CNTN6: variants seen among roughly 807,000 people sequenced by gnomAD.
The protein encoded by CNTN6 is contactin 6.
A neutral mutation model predicts 122.8 loss-of-function variants in CNTN6; 137 were observed. The ratio of observed to expected loss-of-function variants is 1.12; its 90% CI spans 0.97 to 1.29. The LOEUF is 1.29. CNTN6 is among the 50% of genes most tolerant of loss of function. CNTN6 has a pLI of 0.00. For missense variants in CNTN6, 1,634 were observed against 1,223.4 expected (o/e 1.34, Z -5.01); for synonymous variants, 570 against 426.0 (o/e 1.34, Z -4.16).
chr3:1,385,352 AAT>A (rs1692710243), intron 19 of CNTN6, among the ~76,000 whole-genome samples: 1 of 151,746 alleles, frequency 6.6e-6, no homozygotes, highest in Admixed American at 6.6e-5. Flanking sequence ...TAGCTCATAA[AAT>A]ACTTTATTTT....
intron 1 of CNTN6, among the ~76,000 whole-genome samples, chr3:1,115,693 A>G (rs954388325): frequency 1.3e-5 from 2 of 152,212 alleles, no homozygotes; most frequent in Non-Finnish European, 2.9e-5. Flanking sequence ...CAGAGGTTAC[A>G]GTGAGCTGAG....
In CNTN6 at chr3:1,321,647, TAGTCC is replaced by T; in HGVS notation, c.765_769del (p.Val256ArgfsTer3). On this transcript the variant is annotated splice_acceptor_variant and coding_sequence_variant, in exon 8 of 23. Transcript: ENST00000446702. LOFTEE classifies it high-confidence loss of function. ...TCTATTCTAATGAGGTGTAACTGTT[TAGTCC>T]AGTCCCCGATATTAGTTGGAGAAGG... The T allele has an allele frequency of 5.6e-6, 9 of 1,609,226 alleles. No individual in the cohort carries two copies. Among genetic ancestry groups the T allele is most frequent in the Non-Finnish European group, 7.6e-6 (9 of 1,177,440 alleles).
At chr3:1,282,600 A>G (rs931565811) in intron 5 of CNTN6, among the ~76,000 whole-genome samples, 3 of 152,192 alleles carry the variant, frequency 2.0e-5, no homozygotes, top group Non-Finnish European at 4.4e-5. Flanking sequence ...TTATCTGTAA[A>G]ATATTTCCGA....
At chr3:1,115,653 G>A (rs1218564151) in intron 1 of CNTN6, among the ~76,000 whole-genome samples, 3 of 152,184 alleles carry the variant, frequency 2.0e-5, no homozygotes, top group Admixed American at 1.3e-4. Context: ...TCAGGAGGCT[G>A]AGGCAGGAGA....
At chr3:1,209,129 A>G (rs1055319296) in intron 2 of CNTN6, among the ~76,000 whole-genome samples, 3 of 152,186 alleles carry the variant, frequency 2.0e-5, no homozygotes, top group African/African-American at 7.2e-5. Flanking sequence ...CCAATATGGC[A>G]TATACATTTT....
chr3:1,303,101 G>T (rs1179251664), intron 7 of CNTN6, among the ~76,000 whole-genome samples: 3 of 151,738 alleles, frequency 2.0e-5, no homozygotes, highest in Admixed American at 6.6e-5. Flanking sequence ...ATTTCCTTTT[G>T]ATCCTTTCTT....
chr3:1,368,677 T>C (rs1441519050), intron 12 of CNTN6, among the ~76,000 whole-genome samples: 1 of 152,194 alleles, frequency 6.6e-6, no homozygotes, highest in Non-Finnish European at 1.5e-5. Flanking sequence ...GAGAAAATTA[T>C]ATAATCAATC....
At chr3:1,136,018 T>C (rs1312056355) in intron 1 of CNTN6, among the ~76,000 whole-genome samples, 1 of 152,300 alleles carries the variant, frequency 6.6e-6, no homozygotes, top group African/African-American at 2.4e-5. Context: ...TGCCATCGTG[T>C]GTGGTTAGAG....
intron 1 of CNTN6, among the ~76,000 whole-genome samples, chr3:1,126,960 T>A (rs1292557198): frequency 1.3e-5 from 2 of 151,822 alleles, no homozygotes; most frequent in Non-Finnish European, 2.9e-5. Context: ...AATCTCAATA[T>A]CCTAAGTTAT....
At chr3:1,109,851 T>C (rs1458785291) in intron 1 of CNTN6, among the ~76,000 whole-genome samples, 1 of 152,088 alleles carries the variant, frequency 6.6e-6, no homozygotes, top group Non-Finnish European at 1.5e-5. Context: ...AGATTTAATT[T>C]TTAAATGCTT....
chr3:1,338,502 G>A, intron 11 of CNTN6, among the ~76,000 whole-genome samples: 1 of 152,068 alleles, frequency 6.6e-6, no homozygotes, highest in East Asian at 1.9e-4. Flanking sequence ...ATAGAAATGT[G>A]CTTCATTTTA....
chr3:1,317,329 T>C (rs1020726689), intron 7 of CNTN6, among the ~76,000 whole-genome samples: 1 of 151,838 alleles, frequency 6.6e-6, no homozygotes, highest in Admixed American at 6.6e-5. Flanking sequence ...ATCACACAGA[T>C]AGAAACTAAC....
At chr3:1,182,496 C>T (rs1004403712) in intron 2 of CNTN6, among the ~76,000 whole-genome samples, 2 of 152,178 alleles carry the variant, frequency 1.3e-5, no homozygotes, top group Admixed American at 6.5e-5. Flanking sequence ...GAAAGGATGA[C>T]AAACATGTAG....
intron 4 of CNTN6, 129 bp from the exon 5 acceptor site, chr3:1,278,284 C>G: frequency 3.3e-6 from 2 of 602,010 alleles, no homozygotes; most frequent in Non-Finnish European, 5.7e-6. Flanking sequence ...TGATTGTCAA[C>G]TAAGTCTTCT....
intron 20 of CNTN6, among the ~76,000 whole-genome samples, chr3:1,396,869 T>G (rs1489521064): frequency 2.6e-5 from 4 of 152,214 alleles, no homozygotes; most frequent in Admixed American, 6.5e-5. Flanking sequence ...GTCCTTGAGA[T>G]GACATCAAGA....
chr3:1,207,421 T>C (rs1002063910), intron 2 of CNTN6, among the ~76,000 whole-genome samples: 2 of 152,128 alleles, frequency 1.3e-5, no homozygotes, highest in Non-Finnish European at 2.9e-5. Flanking sequence ...TATCAATGCT[T>C]TCAGTCTCAG....
intron 1 of CNTN6, among the ~76,000 whole-genome samples, chr3:1,133,149 A>G (rs1478889665): frequency 6.6e-6 from 1 of 152,180 alleles, no homozygotes; most frequent in African/African-American, 2.4e-5. Context: ...TAAATTGATT[A>G]GAAGTTGAAA....
chr3:1,185,828 A>C (rs929544503), intron 2 of CNTN6, among the ~76,000 whole-genome samples: 1 of 152,172 alleles, frequency 6.6e-6, no homozygotes, highest in African/African-American at 2.4e-5. Context: ...TGTGAGTATT[A>C]TATAAATGAA....
chr3:1,392,089 C>T (rs1425873311), intron 20 of CNTN6, among the ~76,000 whole-genome samples: 5 of 152,186 alleles, frequency 3.3e-5, no homozygotes, highest in Admixed American at 6.5e-5. Flanking sequence ...AAAGAGCCCG[C>T]ATCGCCAAGT....
Sources: allele counts gnomAD v4.1 joint callset (sites outside exome capture counted in the v4.1 genomes callset), GRCh38; gene constraint gnomAD v4.1.1; transcripts MANE v1.5; gene names NCBI Gene and HGNC (gene_info 2026-07-23, HGNC 2026-07-21).